The following SPAG17 variants were observed in gnomAD, a reference collection of about 807,000 sequenced individuals.
SPAG17 encodes sperm-associated antigen 17.
SPAG17 carries 169 observed loss-of-function variants against 273.6 expected under a neutral mutation model. That is an observed-to-expected ratio of 0.62 (90% confidence interval 0.55 to 0.70). SPAG17 has a LOEUF of 0.70. Ranked by LOEUF, SPAG17 falls within the 30% of genes least tolerant of loss-of-function variation. The pLI, the probability that SPAG17 is intolerant of heterozygous loss-of-function variation, is 0.00. For synonymous variants in SPAG17, 825 were observed against 873.2 expected (o/e 0.94, Z 0.97); for missense variants, 2,557 against 2,627.8 (o/e 0.97, Z 0.59).
intron 32 of SPAG17, among the ~76,000 whole-genome samples, chr1:118,002,646 C>A (rs1376916596): frequency 6.6e-6 from 1 of 151,916 alleles, no homozygotes; most frequent in African/African-American, 2.4e-5. Flanking sequence ...GGATTGCAAC[C>A]CCTGCTTTTT....
intron 3 of SPAG17, among the ~76,000 whole-genome samples, chr1:118,134,012 A>G (rs1362389974): frequency 6.6e-6 from 1 of 152,254 alleles, no homozygotes; most frequent in Non-Finnish European, 1.5e-5. Flanking sequence ...GAATAAAAAT[A>G]AAAGGTTGAA....
chr1:118,056,572 T>A (rs748058685), intron 18 of SPAG17, among the ~76,000 whole-genome samples: 2 of 152,226 alleles, frequency 1.3e-5, no homozygotes, highest in Non-Finnish European at 2.9e-5. Context: ...TACACTTATA[T>A]GAACGTCCAA....
At position 118,081,145 on chromosome 1, in the gene SPAG17, T is replaced by C; in HGVS notation, c.2165A>G (p.Glu722Gly). ...CTGAGCCTTCATGATGCTCTCCTGC[T>C]CTAACAGCTGTCTATTATCAGGGAC... ...LSVPDNRQLL[E>G]QESIMKAQPQ... The change falls in exon 15 of 49, where the codon GAG (glutamate) becomes GGG (glycine). Residue 722 changes from glutamate to glycine, a missense_variant. By Grantham distance (98) the Glu-to-Gly change is moderately conservative. Transcript: ENST00000336338. 2 of 1,614,040 alleles carry C rather than the reference T, an allele frequency of 1.2e-6. No homozygotes were observed. The highest frequency in any genetic ancestry group is 1.1e-5 in the South Asian group (1 of 91,074).
At chr1:118,162,394 C>T (rs1000070655) in intron 1 of SPAG17, among the ~76,000 whole-genome samples, 2 of 152,090 alleles carry the variant, frequency 1.3e-5, no homozygotes, top group African/African-American at 4.8e-5. Flanking sequence ...AATAATAATA[C>T]TTAGAGCAGA....
chr1:118,073,820 G>T, intron 17 of SPAG17, 34 bp downstream of exon 17: 2 of 1,452,566 alleles, frequency 1.4e-6, no homozygotes, highest in South Asian at 2.5e-5. Context: ...AGACCTATCT[G>T]ACCGTCTCCT....
At chr1:118,036,390 C>G (rs1649074381) in intron 24 of SPAG17, among the ~76,000 whole-genome samples, 1 of 151,794 alleles carries the variant, frequency 6.6e-6, no homozygotes, top group Non-Finnish European at 1.5e-5. Flanking sequence ...TACACCCAAC[C>G]AAAAGGCTCA....
rs535090343 is a variant in SPAG17, at chr1:118,117,720, G to A, written c.316-2279C>T. Among the ~76,000 whole-genome samples the A allele has an allele frequency of 2.6e-5, 4 of 152,310 alleles. No homozygotes were observed. In the East Asian group the frequency reaches 7.7e-4, roughly 29 times the overall value. ...GAACTGCCCTGGGGCGGCCCACATG[G>A]AGGCAGACTTGATGCGCCACATCCT... is the stretch of plus-strand genomic sequence containing the variant. On this transcript the variant is annotated intron_variant, in intron 3 of 48. Coordinates refer to ENST00000336338, the MANE Select transcript of SPAG17 (RefSeq NM_206996.4).
chr1:118,107,509 C>T (rs972346571), intron 4 of SPAG17, among the ~76,000 whole-genome samples: 11 of 152,142 alleles, frequency 7.2e-5, no homozygotes, highest in African/African-American at 2.7e-4. Context: ...ACCTCCCCCA[C>T]CTTCGCAAAA....
intron 3 of SPAG17, among the ~76,000 whole-genome samples, chr1:118,141,709 G>A (rs999050453): frequency 1.3e-5 from 2 of 152,094 alleles, no homozygotes; most frequent in Non-Finnish European, 2.9e-5. Context: ...TAACTGTTCT[G>A]CCCAGTTCAC....
At chr1:118,089,726 A>C (rs1388791312) in intron 10 of SPAG17, among the ~76,000 whole-genome samples, 1 of 152,174 alleles carries the variant, frequency 6.6e-6, no homozygotes, top group Non-Finnish European at 1.5e-5. Flanking sequence ...TTATTACTTG[A>C]ACAAACTTGA....
chr1:118,051,052 CA>C (rs1156274387), intron 20 of SPAG17, among the ~76,000 whole-genome samples: 13 of 151,888 alleles, frequency 8.6e-5, no homozygotes. Context: ...AGCAAGGAAA[CA>C]AATAACCCAA....
chr1:118,008,084 T>C lies in SPAG17; in HGVS notation c.4547A>G (p.Asp1516Gly). The C allele has an allele frequency of 6.2e-7, 1 of 1,614,016 alleles. No individual in the cohort carries two copies. Among genetic ancestry groups the C allele is most frequent in the Non-Finnish European group, 8.5e-7 (1 of 1,179,948 alleles). The change falls in exon 31 of 49, where the codon GAT (aspartate) becomes GGT (glycine). Residue 1516 changes from aspartate (D) to glycine (G), a missense_variant. Coordinates refer to ENST00000336338, the MANE Select transcript of SPAG17 (RefSeq NM_206996.4). The part of the protein sequence containing the change: ...EDSSCCATFG[D>G]GTTIIAKPQG... ...TGGCTTTGCAATAATAGTTGTTCCA[T>C]CTCCAAAGGTGGCACAGCAGCTACT...
intron 20 of SPAG17, among the ~76,000 whole-genome samples, chr1:118,050,808 A>T (rs997242104): frequency 1.3e-5 from 2 of 152,242 alleles, no homozygotes; most frequent in Non-Finnish European, 2.9e-5. Flanking sequence ...AAAACACAAG[A>T]GAAATCTCTG....
intron 12 of SPAG17, 68 bp from the exon 13 acceptor site, chr1:118,086,140 A>C: frequency 7.2e-7 from 1 of 1,397,684 alleles, no homozygotes. Context: ...GCATATGGAG[A>C]AGGCTAAACA....
intron 45 of SPAG17, 81 bp from the exon 46 acceptor site, chr1:117,970,197 A>AG: frequency 7.1e-7 from 1 of 1,409,316 alleles, no homozygotes. Flanking sequence ...TTATAAAATA[A>AG]GGAAGGTGTT....
intron 3 of SPAG17, among the ~76,000 whole-genome samples, chr1:118,137,804 A>G (rs1658446754): frequency 6.6e-6 from 1 of 152,212 alleles, no homozygotes; most frequent in Non-Finnish European, 1.5e-5. Flanking sequence ...TTTTCAATAT[A>G]TAAATGAATT....
intron 24 of SPAG17, among the ~76,000 whole-genome samples, chr1:118,034,968 A>T (rs544507785): frequency 6.6e-6 from 1 of 152,296 alleles, no homozygotes; most frequent in South Asian, 2.1e-4. Flanking sequence ...CCTATTTCAT[A>T]GCTGTACTGT....
intron 41 of SPAG17, among the ~76,000 whole-genome samples, chr1:117,984,227 T>C (rs1235180240): frequency 6.6e-6 from 1 of 152,198 alleles, no homozygotes; most frequent in Non-Finnish European, 1.5e-5. Context: ...GTCCTACAGG[T>C]AGGCTGAAAT....
rs554650071 is a variant in SPAG17 at position 117,986,353 on chromosome 1, C to G, written c.5669+1481G>C. Among the ~76,000 whole-genome samples, 13 of 152,266 alleles carry G rather than the reference C, an allele frequency of 8.5e-5. No homozygotes were observed. In the East Asian group the frequency reaches 2.1e-3, roughly 25 times the overall value. On this transcript the variant is annotated intron_variant, in intron 40 of 48. Transcript: ENST00000336338. ...CAAATTCCTTTTTTCATTCCCATTT[C>G]TGATTTTTCTACAGCATCTGACATT...
Sources: gnomAD v4.1 joint callset for allele counts (sites outside exome capture counted in the v4.1 genomes callset) on GRCh38, gnomAD v4.1.1 for gene constraint, MANE v1.5 for transcripts, NCBI Gene and HGNC (gene_info 2026-07-23, HGNC 2026-07-21) for gene names.